CEP290: variants seen among roughly 807,000 people sequenced by gnomAD.
The protein encoded by CEP290 is centrosomal protein 290, also known as centrosomal protein of 290 kDa.
Under a neutral mutation model 344.9 loss-of-function variants are expected in CEP290, and 317 were observed. The ratio of observed to expected loss-of-function variants is 0.92; its 90% CI spans 0.84 to 1.01. The LOEUF (loss-of-function observed/expected upper bound fraction) is 1.01. CEP290 is among the 50% of genes least tolerant of loss of function. The pLI is 0.00. For missense variants in CEP290, 2,754 were observed against 2,761.4 expected (o/e 1.00, Z 0.06); for synonymous variants, 932 against 895.8 (o/e 1.04, Z -0.72).
At chr12:88,110,587 T>C (rs1592603635) in intron 22 of CEP290, among the ~76,000 whole-genome samples, 4 of 152,066 alleles carry the variant, frequency 2.6e-5, no homozygotes, top group Admixed American at 2.0e-4. Flanking sequence ...TGCATGCCTG[T>C]AGTCCCAGCT....
chr12:88,055,464 G>A (rs1451323813), intron 50 of CEP290, 112 bp downstream of exon 50: 15 of 914,966 alleles, frequency 1.6e-5, no homozygotes, highest in Admixed American at 4.1e-5. Flanking sequence ...GTGCCCTTCA[G>A]TTAGATGGGT....
chr12:88,058,687 CCAA>C (rs1290583674), intron 49 of CEP290, 158 bp downstream of exon 49: 1 of 727,152 alleles, frequency 1.4e-6, no homozygotes, highest in Non-Finnish European at 2.2e-6. Context: ...GAAAAAGTCT[CCAA>C]CAATACTACA....
intron 46 of CEP290, among the ~76,000 whole-genome samples, chr12:88,061,609 C>T (rs990000738): frequency 1.3e-5 from 2 of 151,720 alleles, no homozygotes; most frequent in Non-Finnish European, 2.9e-5. Flanking sequence ...TTTCTTTTTG[C>T]ATTTTAGTTA....
At chr12:88,093,606 A>C (rs549586631) in intron 28 of CEP290, 164 bp downstream of exon 28, 3 of 546,530 alleles carry the variant, frequency 5.5e-6, no homozygotes, top group Non-Finnish European at 9.5e-6. Context: ...CTTTCCTTTT[A>C]AACAATTCAG....
At chr12:88,111,976 C>T (rs1265515419) in intron 20 of CEP290, 118 bp from the exon 21 acceptor site, 3 of 661,594 alleles carry the variant, frequency 4.5e-6, no homozygotes, top group Non-Finnish European at 7.0e-6. Flanking sequence ...CATTGCCAAG[C>T]ATGATAATAA....
In CEP290 at chr12:88,120,128, A is replaced by C. The variant is rs761301690; in HGVS notation, c.1508T>G (p.Leu503Arg). 1.9e-6 allele frequency: 3 copies of C among 1,548,658 alleles called. No homozygotes were observed. The highest frequency in any genetic ancestry group is 1.7e-6 in the Non-Finnish European group (2 of 1,145,968). ...ISDFLDENEALRERVGLEPKT... is the reference protein window; with the variant it reads ...ISDFLDENEARRERVGLEPKT... ...ACATGGCTTACCCACACGCTCTCTA[A>C]GTGCCTCATTTTCATCAAGGAAATC... The change falls in exon 15 of 54, where the codon CTT becomes CGT. Residue 503 changes from leucine to arginine, a missense_variant. Leu to Arg is a moderately radical substitution (Grantham distance 102, BLOSUM62 -2). Transcript: ENST00000552810.
chr12:88,076,786 C>G (rs900209301), intron 41 of CEP290, among the ~76,000 whole-genome samples: 1 of 152,008 alleles, frequency 6.6e-6, no homozygotes, highest in Non-Finnish European at 1.5e-5. Flanking sequence ...ACAGCCTAGT[C>G]TCCTGAAGGA....
At chr12:88,072,017 G>A in intron 41 of CEP290, 91 bp from the exon 42 acceptor site, 1 of 1,162,834 alleles carries the variant, frequency 8.6e-7, no homozygotes, top group East Asian at 2.7e-5. Context: ...TAGAAAAATT[G>A]TAAACTAATA....
At chr12:88,059,127 G>C in intron 48 of CEP290, 107 bp from the exon 49 acceptor site, 1 of 883,108 alleles carries the variant, frequency 1.1e-6, no homozygotes, top group Non-Finnish European at 1.7e-6. Context: ...AAATAACCTG[G>C]GGCTCTAAAT....
At position 88,121,061 on chromosome 12, in the gene CEP290, G is replaced by C; in HGVS notation, c.1295C>G (p.Ala432Gly). 3 of 1,613,390 alleles carry C rather than the reference G, an allele frequency of 1.9e-6. No homozygotes were observed. Among genetic ancestry groups the C allele is most frequent in the Non-Finnish European group, 2.5e-6 (3 of 1,179,656 alleles). Reference sequence around the variant, plus strand: ...TTCTTTATCCTTTTCCCTAGCATCAGCCTCAGCCAGTTCAGCTGTTCTCTC... The same window carrying C: ...TTCTTTATCCTTTTCCCTAGCATCACCCTCAGCCAGTTCAGCTGTTCTCTC... Reference protein sequence around the residue: ...EAERTAELAEADAREKDKELV... With the variant: ...EAERTAELAEGDAREKDKELV... The change falls in exon 14 of 54, where the codon GCT becomes GGT. Residue 432 changes from alanine to glycine, a missense_variant. Coordinates refer to ENST00000552810, the MANE Select transcript of CEP290 (RefSeq NM_025114.4).
At position 88,117,753 on chromosome 12, in the gene CEP290, G is replaced by A. The variant is rs143760822; in HGVS notation, c.1712-608C>T. Among the ~76,000 whole-genome samples, 18 of 152,284 alleles carry A rather than the reference G, an allele frequency of 1.2e-4. No individual in the cohort carries two copies. In the East Asian group the frequency reaches 3.5e-3, roughly 29 times the overall value. ...TTTCACTTAGAAAAGAATAATTTAA[G>A]GCCAGGCATGGTGGCTCACGCCTAT... On this transcript the variant is annotated intron_variant, in intron 17 of 53. Transcript: ENST00000552810.
intron 29 of CEP290, among the ~76,000 whole-genome samples, chr12:88,091,848 AC>A (rs1471849467): frequency 2.6e-5 from 4 of 152,138 alleles, no homozygotes; most frequent in African/African-American, 9.7e-5. Context: ...CTGAAATATC[AC>A]CTAATTACAA....
intron 47 of CEP290, among the ~76,000 whole-genome samples, chr12:88,060,608 G>A (rs956169296): frequency 1.3e-5 from 2 of 151,948 alleles, no homozygotes; most frequent in African/African-American, 4.8e-5. Flanking sequence ...TGCTGTCAGA[G>A]AGAAAAGTGA....
intron 5 of CEP290, among the ~76,000 whole-genome samples, chr12:88,138,290 C>G (rs2040451772): frequency 6.6e-6 from 1 of 152,192 alleles, no homozygotes; most frequent in Non-Finnish European, 1.5e-5. Context: ...TTCAACTGTG[C>G]TACCCTTCTA....
At chr12:88,083,687 C>A (rs552069241) in intron 36 of CEP290, among the ~76,000 whole-genome samples, 160 bp downstream of exon 36, 2 of 152,040 alleles carry the variant, frequency 1.3e-5, no homozygotes, top group Admixed American at 1.3e-4. Context: ...TTGTGAACAG[C>A]GGTGAGCTAC....
chr12:88,137,015 G>T (rs929110517), intron 5 of CEP290, among the ~76,000 whole-genome samples: 3 of 151,742 alleles, frequency 2.0e-5, no homozygotes, highest in Admixed American at 6.6e-5. Context: ...GAGATGCAAA[G>T]AATTGACTGT....
chr12:88,077,893 T>G lies in CEP290; in HGVS notation c.5390A>C (p.Asn1797Thr), dbSNP rs752563695. ...AAGTGCTTCTTTCAATTTTAAAAGA[T>G]TTTCATTTAAATCTTCAACTTGTGT... ...LKTQVEDLNE[N>T]LLKLKEALKT... The change falls in exon 40 of 54, where the codon AAT becomes ACT. Residue 1797 changes from asparagine (N) to threonine (T), a missense_variant. Physicochemically the swap from Asn to Thr is moderately conservative, Grantham distance 65 (BLOSUM62 0). Coordinates refer to ENST00000552810, the MANE Select transcript of CEP290 (RefSeq NM_025114.4). 1 of 1,355,658 alleles carries G rather than the reference T, an allele frequency of 7.4e-7. No homozygotes were observed. The highest frequency in any genetic ancestry group is 2.7e-5 in the Admixed American group (1 of 37,510). 84.0% of individuals were successfully genotyped at this position (1,355,658 alleles called of 1,614,324 possible). A position where few individuals can be genotyped will look rare whatever the true frequency, so the allele number is the denominator to read the frequency against.
At chr12:88,099,441 T>C (rs2037707007) in intron 26 of CEP290, among the ~76,000 whole-genome samples, 2 of 152,204 alleles carry the variant, frequency 1.3e-5, no homozygotes, top group South Asian at 2.1e-4. Flanking sequence ...AACATAAATA[T>C]ATATCTTAAG....
rs1364752193 is a variant in CEP290, at chr12:88,084,745, T to G, written c.4545A>C (p.Arg1515Ser). The change falls in exon 35 of 54, where the codon AGA becomes AGC. Residue 1515 changes from arginine to serine, a missense_variant. Transcript: ENST00000552810. ...LRLRLPATAE[R>S]EKLIAELGRK... is the part of the protein sequence containing the mutation. ...TGCCTAGCTCAGCTATGAGCTTTTC[T>G]CTTTCTGCAGTGGCAGGCAATCGAA... The G allele has an allele frequency of 1.2e-6, 2 of 1,613,652 alleles. No individual in the cohort carries two copies. Among genetic ancestry groups the G allele is most frequent in the South Asian group, 1.1e-5 (1 of 91,074 alleles).
Sources: allele counts gnomAD v4.1 joint callset (sites outside exome capture counted in the v4.1 genomes callset), GRCh38; gene constraint gnomAD v4.1.1; transcripts MANE v1.5; gene names NCBI Gene and HGNC (gene_info 2026-07-23, HGNC 2026-07-21).